LARGE1: variants seen among roughly 807,000 people sequenced by gnomAD.
The protein encoded by LARGE1 is LARGE xylosyl- and glucuronyltransferase 1, also known as xylosyl- and glucuronyltransferase LARGE1.
A neutral mutation model predicts 87.6 loss-of-function variants in LARGE1; 43 were observed. The observed-to-expected ratio is 0.49, with a 90% CI of 0.38 to 0.63. The LOEUF is 0.63. Ranked by LOEUF, LARGE1 falls within the 30% of genes least tolerant of loss-of-function variation. The probability of loss-of-function intolerance (pLI) is 0.00; values close to 1 mark genes in which losing one functional copy is unlikely to be tolerated. For missense variants in LARGE1, 802 were observed against 1,000.2 expected, an observed-to-expected ratio of 0.80 and a Z score of 2.67; for synonymous variants, 434 against 394.6, an observed-to-expected ratio of 1.10 and a Z score of -1.18.
chr22:33,135,160 C>G, the LARGE1 span, among the ~76,000 whole-genome samples: 1 of 152,268 alleles, frequency 6.6e-6, no homozygotes, highest in South Asian at 2.1e-4. Flanking sequence ...GTAGAACAGG[C>G]CTGCAGAAGT....
intron 3 of LARGE1, among the ~76,000 whole-genome samples, chr22:33,637,093 G>A (rs1253056101): frequency 6.6e-6 from 1 of 152,054 alleles, no homozygotes. Context: ...ATCATTGAAA[G>A]GAAGGTCTTC....
chr22:33,292,988 A>G (rs1040193733), intron 12 of LARGE1, among the ~76,000 whole-genome samples: 26 of 152,366 alleles, frequency 1.7e-4, no homozygotes, highest in Middle Eastern at 3.4e-3. Context: ...AACCTTGGGC[A>G]CAGAGCTAAA....
intron 11 of LARGE1, among the ~76,000 whole-genome samples, chr22:33,226,808 C>T (rs901739904): frequency 6.6e-6 from 1 of 151,896 alleles, no homozygotes; most frequent in Non-Finnish European, 1.5e-5. Context: ...CGGCTCACTG[C>T]AAGCTCCACC....
intron 1 of LARGE1, among the ~76,000 whole-genome samples, chr22:33,892,484 T>G (rs549394825): frequency 3.3e-5 from 5 of 152,306 alleles, no homozygotes; most frequent in African/African-American, 1.2e-4. Context: ...TGGTGAAACT[T>G]AAAGTCAAAA....
At chr22:33,102,335 AT>A in the LARGE1 span, among the ~76,000 whole-genome samples, 10 of 142,212 alleles carry the variant, frequency 7.0e-5, no homozygotes, top group South Asian at 4.5e-4. Context: ...TGCCCAGCTA[AT>A]TTTTTTTTGT....
At chr22:33,160,065 T>C (rs1921973007), downstream of LARGE1, among the ~76,000 whole-genome samples, 1 of 152,158 alleles carries the variant, frequency 6.6e-6, no homozygotes, top group Admixed American at 6.5e-5. Flanking sequence ...TTCCCATAAG[T>C]TTTCACATAG....
intron 6 of LARGE1, among the ~76,000 whole-genome samples, chr22:33,433,281 T>C (rs796673999): frequency 4.2e-4 from 64 of 152,218 alleles, no homozygotes; most frequent in African/African-American, 1.5e-3. Flanking sequence ...AGGCAGGAAT[T>C]ATCAATCCAC....
At chr22:33,888,185 A>G (rs5754747) in intron 1 of LARGE1, among the ~76,000 whole-genome samples, 105,998 of 152,026 alleles carry the variant, frequency 0.7, 37,646 homozygotes, top group East Asian at 1. Context: ...GTATTTGGTT[A>G]TAAGTAGTCA....
intron 8 of LARGE1, among the ~76,000 whole-genome samples, chr22:33,382,888 T>C (rs538379277): frequency 6.6e-6 from 1 of 152,294 alleles, no homozygotes; most frequent in Non-Finnish European, 1.5e-5. Context: ...CTTAAACTCA[T>C]TCATTATACT....
At chr22:33,722,709 C>A (rs1470327354) in intron 2 of LARGE1, among the ~76,000 whole-genome samples, 4 of 152,028 alleles carry the variant, frequency 2.6e-5, no homozygotes, top group South Asian at 2.1e-4. Context: ...GAAAAATAAT[C>A]CTGATAAGAC....
At chr22:33,434,761 C>A (rs139471349) in intron 6 of LARGE1, among the ~76,000 whole-genome samples, 198 of 152,234 alleles carry the variant, frequency 1.3e-3, no homozygotes, top group African/African-American at 4.5e-3. Context: ...TTTATTCCTG[C>A]CAAACAAAAA....
chr22:33,214,086 A>T (rs993373395), intron 11 of LARGE1, among the ~76,000 whole-genome samples: 1 of 152,082 alleles, frequency 6.6e-6, no homozygotes, highest in African/African-American at 2.4e-5. Flanking sequence ...CTTTATTGCA[A>T]TGGTCAGGAA....
chr22:33,095,911 C>T, the LARGE1 span, among the ~76,000 whole-genome samples: 1 of 152,168 alleles, frequency 6.6e-6, no homozygotes, highest in Non-Finnish European at 1.5e-5. Context: ...ATGACTAATT[C>T]AGGACCTTCC....
chr22:33,916,530 C>T (rs2065792114), intron 1 of LARGE1, among the ~76,000 whole-genome samples: 1 of 152,210 alleles, frequency 6.6e-6, no homozygotes, highest in East Asian at 1.9e-4. Flanking sequence ...ATGCTGAACA[C>T]CTCTCAATGG....
intron 2 of LARGE1, among the ~76,000 whole-genome samples, chr22:33,661,667 G>A (rs1466670349): frequency 1.3e-5 from 2 of 152,080 alleles, no homozygotes; most frequent in Non-Finnish European, 2.9e-5. Context: ...TGCTCCTTGG[G>A]CTTCTGTGCC....
chr22:33,201,920 G>A (rs928824203), intron 11 of LARGE1, among the ~76,000 whole-genome samples: 51 of 152,130 alleles, frequency 3.4e-4, no homozygotes, highest in African/African-American at 1.1e-3. Context: ...GGTAGATCAC[G>A]AGGTCAGGAG....
rs545136256 is a variant in LARGE1 at position 33,319,489 on chromosome 22, G to C, written c.1288-3241C>G. Among the ~76,000 whole-genome samples, 146 of 152,170 alleles carry C rather than the reference G, an allele frequency of 9.6e-4. 1 individual carries two copies. The highest frequency in any genetic ancestry group is 3.3e-3 in the African/African-American group (136 of 41,512). On this transcript the variant is annotated intron_variant, in intron 10 of 14. Coordinates refer to ENST00000397394, the MANE Select transcript of LARGE1 (RefSeq NM_133642.5). ...CAGCTCACTGCAACCTCTGCCTCCC[G>C]GGTTCAAGTGATTCTCTGGCCTCAG...
chr22:33,844,545 C>T (rs1334212744), intron 1 of LARGE1, among the ~76,000 whole-genome samples: 1 of 151,956 alleles, frequency 6.6e-6, no homozygotes, highest in Non-Finnish European at 1.5e-5. Flanking sequence ...TCCTTGGGGC[C>T]CCTGTGCAAG....
At chr22:33,881,784 G>T (rs1224911587) in intron 1 of LARGE1, among the ~76,000 whole-genome samples, 2 of 152,180 alleles carry the variant, frequency 1.3e-5, no homozygotes, top group Non-Finnish European at 2.9e-5. Context: ...ACTACAAAAG[G>T]TTAAGGAAAT....
Sources: gnomAD v4.1 joint callset for allele counts (sites outside exome capture counted in the v4.1 genomes callset) on GRCh38, gnomAD v4.1.1 for gene constraint, MANE v1.5 for transcripts, NCBI Gene and HGNC (gene_info 2026-07-23, HGNC 2026-07-21) for gene names.